CCDC186: variants seen among roughly 807,000 people sequenced by gnomAD.
CCDC186 encodes coiled-coil domain-containing protein 186.
A neutral mutation model predicts 113.7 loss-of-function variants in CCDC186; 49 were observed. That is an observed-to-expected ratio of 0.43 (90% CI 0.34 to 0.55). The LOEUF is 0.55. Ranked by LOEUF, CCDC186 falls within the 20% of genes least tolerant of loss-of-function variation. The pLI, the probability that CCDC186 is intolerant of heterozygous loss-of-function variation, is 0.02. For synonymous variants in CCDC186, 355 were observed against 345.8 expected (o/e 1.03, Z -0.30); for missense variants, 890 against 1,011.1 (o/e 0.88, Z 1.62).
Position 114,127,443 on chromosome 10 carries a change from T to A in CCDC186, c.2393+18A>T. 4 of 1,607,694 alleles carry A rather than the reference T, an allele frequency of 2.5e-6. No homozygotes were observed. Among genetic ancestry groups the A allele is most frequent in the East Asian group, 2.2e-5 (1 of 44,832 alleles). ...ACGGTATTTTGAAGACCGATCATGC[T>A]ACCGTAATAATACATACTTTGTTTT... On this transcript the variant is annotated intron_variant, in intron 14 of 15. Transcript: ENST00000369287.
At chr10:114,173,286 A>T (rs2032570606) in intron 1 of CCDC186, 1 of 450,520 alleles carries the variant, frequency 2.2e-6, no homozygotes, top group African/African-American at 2.0e-5. Flanking sequence ...TCAAGATGGG[A>T]ATATTAGGTG....
At chr10:114,135,454 A>T (rs996067587) in intron 9 of CCDC186, among the ~76,000 whole-genome samples, 2 of 152,220 alleles carry the variant, frequency 1.3e-5, no homozygotes, top group Non-Finnish European at 2.9e-5. Context: ...AGACATACTA[A>T]TCTTACAATA....
chr10:114,145,232 T>C (rs2031597353), intron 5 of CCDC186, among the ~76,000 whole-genome samples: 2 of 152,198 alleles, frequency 1.3e-5, no homozygotes, highest in African/African-American at 4.8e-5. Flanking sequence ...TTTACCAAAA[T>C]ATAATCTTCC....
At chr10:114,126,406 G>C (rs1564903695) in intron 14 of CCDC186, among the ~76,000 whole-genome samples, 1 of 152,134 alleles carries the variant, frequency 6.6e-6, no homozygotes, top group Non-Finnish European at 1.5e-5. Flanking sequence ...ACCCAGGCTG[G>C]AGTGCAGTGA....
chr10:114,132,036 GC>G lies in CCDC186; in HGVS notation c.1803del (p.Gln601HisfsTer30). ...TGCAAAGAATTGGATTCAGACTGAA[GC>G]TGTGCATTCTTACTAGTGAGCCTTT... Reference protein sequence around the residue: ...FTERLTSKNAQLQSESNSLQS... With the variant: ...FTERLTSKNAXLQSESNSLQS... On this transcript the variant is annotated frameshift_variant, in exon 11 of 16. Coordinates refer to ENST00000369287, the MANE Select transcript of CCDC186 (RefSeq NM_018017.4). LOFTEE classifies it high-confidence loss of function. 1 of 1,613,448 alleles carries G rather than the reference GC, an allele frequency of 6.2e-7. No individual in the cohort carries two copies. Among genetic ancestry groups the G allele is most frequent in the Non-Finnish European group, 8.5e-7 (1 of 1,179,756 alleles).
chr10:114,147,825 G>A (rs573649966), intron 4 of CCDC186, among the ~76,000 whole-genome samples: 1 of 152,146 alleles, frequency 6.6e-6, no homozygotes, highest in Middle Eastern at 3.4e-3. Flanking sequence ...TAATAGACAA[G>A]GTGAAATATT....
At chr10:114,137,343 T>C in intron 6 of CCDC186, 53 bp from the exon 7 acceptor site, 3 of 1,299,316 alleles carry the variant, frequency 2.3e-6, no homozygotes, top group South Asian at 1.2e-5. Flanking sequence ...TGATGAATGG[T>C]AAGAAGTGAC....
In CCDC186 at chr10:114,162,720, T is replaced by G; in HGVS notation, c.549A>C (p.Gly183=). The part of the protein sequence containing the change: ...TEFAEHRVPN[G]MNKGEHALVL... ...CTAATGCATGTTCTCCCTTATTCAT[T>G]CCATTTGGTACTCGATGTTCTGCAA... Residue 183 remains glycine, a synonymous_variant, in exon 2 of 16, where the codon GGA becomes GGC. Coordinates refer to ENST00000369287, the MANE Select transcript of CCDC186 (RefSeq NM_018017.4). 6.2e-7 allele frequency: 1 copy of G among 1,613,820 alleles called. No homozygotes were observed.
At chr10:114,157,998 C>CA (rs1245996821) in intron 2 of CCDC186, among the ~76,000 whole-genome samples, 1 of 152,226 alleles carries the variant, frequency 6.6e-6, no homozygotes. Context: ...TCAGCACTGG[C>CA]ACTCTTCAAA....
chr10:114,139,162 G>A (rs2031377457), intron 6 of CCDC186, among the ~76,000 whole-genome samples: 2 of 150,170 alleles, frequency 1.3e-5, no homozygotes, highest in African/African-American at 4.9e-5. Flanking sequence ...CTCTAGTTAG[G>A]TTGGGTTCCC....
At chr10:114,170,581 C>A (rs1380278371) in intron 1 of CCDC186, among the ~76,000 whole-genome samples, 1 of 152,064 alleles carries the variant, frequency 6.6e-6, no homozygotes, top group Non-Finnish European at 1.5e-5. Flanking sequence ...CCTCAACCCC[C>A]CAAAAGTGCT....
At chr10:114,149,972 A>C (rs1387064049) in intron 4 of CCDC186, among the ~76,000 whole-genome samples, 2 of 152,170 alleles carry the variant, frequency 1.3e-5, no homozygotes, top group Non-Finnish European at 2.9e-5. Flanking sequence ...ATTTCCCTTC[A>C]ATTGGTACAA....
At chr10:114,138,045 AAAAAAAAAAAAAAAAAAAAAAAAAAAAAT>A (rs1222091966) in intron 6 of CCDC186, among the ~76,000 whole-genome samples, 23 of 13,302 alleles carry the variant, frequency 1.7e-3, no homozygotes, top group South Asian at 8.8e-3. Context: ...CTCAAAAAAA[AAAAAAAAAAAAAAAAAAAAAAAAAAAAAT>A]AAAAAAAATA....
chr10:114,124,938 AAAAC>A lies in CCDC186; in HGVS notation c.*201_*204del, dbSNP rs2030841250. ...ACAGGCTGTCATATTGCACCATACA[AAAAC>A]AAATTTCATCAAAGCTTTCAGTCTT... On this transcript the variant is annotated 3_prime_UTR_variant, in exon 16 of 16. Coordinates refer to ENST00000369287, the MANE Select transcript of CCDC186 (RefSeq NM_018017.4). The A allele has an allele frequency of 2.3e-6, 1 of 428,252 alleles. No individual in the cohort carries two copies. Among genetic ancestry groups the A allele is most frequent in the Non-Finnish European group, 4.1e-6 (1 of 242,392 alleles). 26.5% of individuals were successfully genotyped at this position (428,252 alleles called of 1,614,324 possible).
At chr10:114,127,863 A>G (rs1049244263) in intron 13 of CCDC186, among the ~76,000 whole-genome samples, 192 bp from the exon 14 acceptor site, 2 of 152,210 alleles carry the variant, frequency 1.3e-5, no homozygotes, top group Non-Finnish European at 2.9e-5. Context: ...CAGGGTCTAT[A>G]CTGTATCTCT....
intron 1 of CCDC186, among the ~76,000 whole-genome samples, chr10:114,169,234 CTTTTTTTTTTTT>C (rs34677282): frequency 1.0e-5 from 1 of 97,502 alleles, no homozygotes; most frequent in African/African-American, 3.9e-5. Flanking sequence ...TAGTACCATT[CTTTTTTTTTTTT>C]TTTTTTTTTT....
chr10:114,166,026 C>T (rs2032327749), intron 1 of CCDC186: 8 of 712,314 alleles, frequency 1.1e-5, no homozygotes, highest in African/African-American at 2.0e-5. Context: ...TTTGTAGTAA[C>T]CAAAAGTGGC....
intron 14 of CCDC186, among the ~76,000 whole-genome samples, chr10:114,126,750 G>A (rs2030916689): frequency 1.3e-5 from 2 of 152,098 alleles, no homozygotes; most frequent in African/African-American, 4.8e-5. Flanking sequence ...TCTTTTAAAA[G>A]TCACAGGCAA....
At position 114,132,107 on chromosome 10, in the gene CCDC186, A is replaced by G. The variant is rs150555595; in HGVS notation, c.1733T>C (p.Ile578Thr). Residue 578 changes from isoleucine (I) to threonine (T), a missense_variant, in exon 11 of 16, where the codon ATC becomes ACC. Transcript: ENST00000369287. Reference protein sequence around the residue: ...NSLINDLQKDIEGSRKRESEL... With the variant: ...NSLINDLQKDTEGSRKRESEL... ...AGATTCTCTTTTCCTACTGCCTTCGATGTCTTTTTGTAGGTCATTAATCAA... is the reference window on the plus strand; with the variant it reads ...AGATTCTCTTTTCCTACTGCCTTCGGTGTCTTTTTGTAGGTCATTAATCAA... 2.2e-5 allele frequency: 36 copies of G among 1,613,226 alleles called. No individual in the cohort carries two copies. Among genetic ancestry groups the G allele is most frequent in the Non-Finnish European group, 2.8e-5 (33 of 1,179,688 alleles).
Sources: allele counts gnomAD v4.1 joint callset (sites outside exome capture counted in the v4.1 genomes callset), GRCh38; gene constraint gnomAD v4.1.1; transcripts MANE v1.5; gene names NCBI Gene and HGNC (gene_info 2026-07-23, HGNC 2026-07-21).